PDE3A: variants seen among roughly 807,000 people sequenced by gnomAD.
PDE3A encodes the protein cGMP-inhibited 3',5'-cyclic phosphodiesterase 3A.
Under a neutral mutation model 98.3 loss-of-function variants are expected in PDE3A, and 43 were observed. The ratio of observed to expected loss-of-function variants is 0.44; its 90% CI spans 0.34 to 0.56. The LOEUF is 0.56. PDE3A is among the 20% of genes least tolerant of loss of function. The probability of loss-of-function intolerance (pLI) is 0.01; values close to 1 mark genes in which losing one functional copy is unlikely to be tolerated. For synonymous variants in PDE3A, 663 were observed against 567.9 expected (o/e 1.17, Z -2.38); for missense variants, 1,427 against 1,440.7 (o/e 0.99, Z 0.15).
rs549474368 is a variant in PDE3A at position 20,444,519 on chromosome 12, T to G, written c.960+74275T>G. On this transcript the variant is annotated intron_variant, in intron 1 of 15. Coordinates refer to ENST00000359062, the MANE Select transcript of PDE3A (RefSeq NM_000921.5). Reference sequence around the variant, plus strand: ...ATAAACTTACTGTTTTAATTCTAAATTCACTGACTTTCTGTCAGTCTCTAT... The same window carrying G: ...ATAAACTTACTGTTTTAATTCTAAAGTCACTGACTTTCTGTCAGTCTCTAT... 2.6e-5 allele frequency among the ~76,000 whole-genome samples: 4 copies of G among 152,334 alleles called. No homozygotes were observed. In the East Asian group the frequency reaches 7.7e-4, roughly 29 times the overall value.
chr12:20,528,558 A>G (rs1235801840), intron 1 of PDE3A, among the ~76,000 whole-genome samples: 1 of 152,196 alleles, frequency 6.6e-6, no homozygotes, highest in African/African-American at 2.4e-5. Context: ...AATGTTCAAA[A>G]TCTTTGATGA....
rs1055888094 is a variant in PDE3A, at chr12:20,451,517, G to A, written c.960+81273G>A. The stretch of plus-strand genomic sequence containing the variant: ...TCAAACTCCTGGCCTCAAGTGATCC[G>A]CCCACCTTGGCCTTCCAGGTCTCAA... On this transcript the variant is annotated intron_variant, in intron 1 of 15. Coordinates refer to ENST00000359062, the MANE Select transcript of PDE3A (RefSeq NM_000921.5). Among the ~76,000 whole-genome samples, 3 of 152,036 alleles carry A rather than the reference G, an allele frequency of 2.0e-5. No individual in the cohort carries two copies. In the East Asian group the frequency reaches 5.8e-4, roughly 30 times the overall value.
At chr12:20,615,016 CTTTTTTTTT>C (rs11313010) in intron 3 of PDE3A, among the ~76,000 whole-genome samples, 21 of 59,130 alleles carry the variant, frequency 3.6e-4, no homozygotes, top group Admixed American at 7.9e-4. Flanking sequence ...TTCTCTCTTT[CTTTTTTTTT>C]TTTTTTTTTT....
At chr12:20,393,132 T>G in intron 1 of PDE3A, among the ~76,000 whole-genome samples, 1 of 152,118 alleles carries the variant, frequency 6.6e-6, no homozygotes, top group Middle Eastern at 3.4e-3. Flanking sequence ...AGAATTGTAA[T>G]GTTCCTTTAT....
intron 1 of PDE3A, among the ~76,000 whole-genome samples, chr12:20,540,155 G>T (rs548800812): frequency 3.3e-5 from 5 of 152,186 alleles, no homozygotes; most frequent in African/African-American, 1.2e-4. Context: ...GTCTATTAGT[G>T]ACTCTTATGA....
At chr12:20,625,212 A>G (rs765612595) in intron 5 of PDE3A, among the ~76,000 whole-genome samples, 1 of 152,098 alleles carries the variant, frequency 6.6e-6, no homozygotes, top group Non-Finnish European at 1.5e-5. Flanking sequence ...ATCACATAGG[A>G]CTCCTTTAAT....
intron 2 of PDE3A, among the ~76,000 whole-genome samples, chr12:20,593,992 G>A (rs1441284883): frequency 6.6e-6 from 1 of 152,140 alleles, no homozygotes; most frequent in East Asian, 1.9e-4. Flanking sequence ...TGAGGTGCTA[G>A]GCTTCAGTAA....
chr12:20,430,114 T>C (rs903593777), intron 1 of PDE3A, among the ~76,000 whole-genome samples: 1 of 152,170 alleles, frequency 6.6e-6, no homozygotes, highest in Non-Finnish European at 1.5e-5. Context: ...ATGAACCTAT[T>C]TGTACAAAGG....
chr12:20,666,963 C>T (rs976252171), intron 15 of PDE3A, among the ~76,000 whole-genome samples: 1 of 152,104 alleles, frequency 6.6e-6, no homozygotes, highest in Non-Finnish European at 1.5e-5. Flanking sequence ...TTAGTAATAG[C>T]CATTCTAACT....
chr12:20,534,215 C>T (rs1941698594), intron 1 of PDE3A, among the ~76,000 whole-genome samples: 1 of 152,170 alleles, frequency 6.6e-6, no homozygotes, highest in Non-Finnish European at 1.5e-5. Context: ...GAGAGTTCCT[C>T]CAAGGTGGAG....
intron 9 of PDE3A, 43 bp downstream of exon 9, chr12:20,637,280 A>G (rs753445678): frequency 1.4e-6 from 2 of 1,463,088 alleles, no homozygotes; most frequent in East Asian, 2.3e-5. Flanking sequence ...TATAGGAAAA[A>G]CAGTTCCTTT....
chr12:20,542,023 G>T (rs540277983), intron 1 of PDE3A, among the ~76,000 whole-genome samples: 31 of 152,146 alleles, frequency 2.0e-4, no homozygotes, highest in African/African-American at 6.7e-4. Flanking sequence ...CAAGGGTCGC[G>T]TAATGGGGCT....
intron 1 of PDE3A, among the ~76,000 whole-genome samples, chr12:20,424,346 C>A (rs767380679): frequency 1.3e-5 from 2 of 152,054 alleles, no homozygotes; most frequent in Non-Finnish European, 2.9e-5. Flanking sequence ...TTTTCTTTAC[C>A]TCCCCACTGC....
At chr12:20,455,498 A>G (rs1945138810) in intron 1 of PDE3A, among the ~76,000 whole-genome samples, 1 of 152,060 alleles carries the variant, frequency 6.6e-6, no homozygotes, top group South Asian at 2.1e-4. Context: ...ATTGCTAAAG[A>G]ATAGTGCTTG....
chr12:20,523,001 C>T (rs1295389000), intron 1 of PDE3A, among the ~76,000 whole-genome samples: 2 of 151,294 alleles, frequency 1.3e-5, no homozygotes, highest in Non-Finnish European at 1.5e-5. Flanking sequence ...AGCCTGAGAT[C>T]ACCAAGGGAA....
Position 20,369,214 on chromosome 12 carries a change from C to T in PDE3A, c.-71C>T. ...GCGTGTGTGTGTGTGTGTGTGTGCGCGCGCGCGCGTGGGTCGGGGCGGGGG... is the reference window on the plus strand; with the variant it reads ...GCGTGTGTGTGTGTGTGTGTGTGCGTGCGCGCGCGTGGGTCGGGGCGGGGG... On this transcript the variant is annotated 5_prime_UTR_variant, in exon 1 of 16. Transcript: ENST00000359062. 16 of 1,059,600 alleles carry T rather than the reference C, an allele frequency of 1.5e-5. No individual in the cohort carries two copies. Among genetic ancestry groups the T allele is most frequent in the Non-Finnish European group, 1.9e-5 (14 of 748,576 alleles). The allele number at this position is 1,059,600 out of a possible 1,614,324, so 65.6% of individuals were successfully genotyped here. A position where few individuals can be genotyped will look rare whatever the true frequency, so the allele number is the denominator to read the frequency against.
chr12:20,685,721 C>G lies in PDE3A; in HGVS notation c.*5450C>G, dbSNP rs1174915464. ...GACACACATTGGTATCCTTGGGTTT[C>G]TGCTTCCTTGAAAAGTTGTGGAGCA... On this transcript the variant is annotated 3_prime_UTR_variant, in exon 16 of 16. Transcript: ENST00000359062. Among the ~76,000 whole-genome samples the G allele has an allele frequency of 1.3e-5, 2 of 152,108 alleles. No homozygotes were observed. The highest frequency in any genetic ancestry group is 4.8e-5 in the African/African-American group (2 of 41,438).
chr12:20,434,501 G>T (rs1306783562), intron 1 of PDE3A, among the ~76,000 whole-genome samples: 1 of 152,110 alleles, frequency 6.6e-6, no homozygotes. Context: ...ACCTGGTAAG[G>T]ATCAGGACCA....
rs916226957 is a variant in PDE3A at position 20,423,838 on chromosome 12, C to T, written c.960+53594C>T. Among the ~76,000 whole-genome samples the T allele has an allele frequency of 5.3e-5, 8 of 152,096 alleles. 1 individual carries two copies. Among genetic ancestry groups the T allele is most frequent in the Non-Finnish European group, 1.2e-4 (8 of 68,002 alleles). On this transcript the variant is annotated intron_variant, in intron 1 of 15. Transcript: ENST00000359062. ...ATATGCACTTCTACCCAAACATATC[C>T]CAAGGTAAGGCTACAGGTAGTAAAG...
Sources: allele counts gnomAD v4.1 joint callset (sites outside exome capture counted in the v4.1 genomes callset), GRCh38; gene constraint gnomAD v4.1.1; transcripts MANE v1.5; gene names NCBI Gene and HGNC (gene_info 2026-07-23, HGNC 2026-07-21).